Variants in ARID4B observed in about 807,000 individuals in gnomAD.
The protein encoded by ARID4B is AT-rich interaction domain 4B.
A neutral mutation model predicts 147.5 loss-of-function variants in ARID4B; 26 were observed. That is an observed-to-expected ratio of 0.18 (90% CI 0.13 to 0.24). ARID4B has a LOEUF of 0.24. Among genes scored for constraint, ARID4B ranks in the 10% least tolerant of loss-of-function variants. The pLI is 1.00. For synonymous variants in ARID4B, 512 were observed against 507.9 expected, an observed-to-expected ratio of 1.01 and a Z score of -0.11; for missense variants, 1,179 against 1,511.5, an observed-to-expected ratio of 0.78 and a Z score of 3.65.
At chr1:235,315,251 C>A (rs1278117962) in intron 2 of ARID4B, among the ~76,000 whole-genome samples, 3 of 152,106 alleles carry the variant, frequency 2.0e-5, no homozygotes, top group African/African-American at 7.2e-5. Context: ...TAAGGAGACC[C>A]CGTCTCTACC....
At chr1:235,174,631 T>C (rs1663718813) in intron 22 of ARID4B, among the ~76,000 whole-genome samples, 1 of 151,466 alleles carries the variant, frequency 6.6e-6, no homozygotes, top group Non-Finnish European at 1.5e-5. Flanking sequence ...TGAAACCCCA[T>C]GTCTACTAAA....
Position 235,181,676 on chromosome 1 carries a change from G to A in ARID4B, c.3243C>T (p.Leu1081=), listed in dbSNP as rs773002004. The A allele has an allele frequency of 1.9e-6, 3 of 1,614,068 alleles. No individual in the cohort carries two copies. The highest frequency in any genetic ancestry group is 2.5e-6 in the Non-Finnish European group (3 of 1,180,028). The change falls in exon 20 of 24, where the codon CTC becomes CTT. Residue 1081 remains leucine (L), a synonymous_variant. Coordinates refer to ENST00000264183, the MANE Select transcript of ARID4B (RefSeq NM_016374.6). ...CTGGCGAGCTATTCCCTTCAGACTGGAGGTCTTGGAGCTCCCCAGCAACAC... is the reference window on the plus strand; with the variant it reads ...CTGGCGAGCTATTCCCTTCAGACTGAAGGTCTTGGAGCTCCCCAGCAACAC... The part of the protein sequence containing the change: ...VDSVAGELQD[L]QSEGNSSPAG...
chr1:235,302,964 C>G (rs1355091848), intron 2 of ARID4B, among the ~76,000 whole-genome samples: 1 of 151,388 alleles, frequency 6.6e-6, no homozygotes, highest in Non-Finnish European at 1.5e-5. Context: ...CTCGCTCTGT[C>G]GCCTAGGCTG....
At position 235,182,746 on chromosome 1, in the gene ARID4B, C is replaced by A. The variant is rs745941704; in HGVS notation, c.2173G>T (p.Ala725Ser). 41 of 1,608,122 alleles carry A rather than the reference C, an allele frequency of 2.5e-5. No individual in the cohort carries two copies. Among genetic ancestry groups the A allele is most frequent in the Non-Finnish European group, 3.3e-5 (39 of 1,177,590 alleles). The change falls in exon 20 of 24, where the codon GCT becomes TCT. Residue 725 changes from alanine to serine, a missense_variant. Transcript: ENST00000264183. Reference protein sequence around the residue: ...EDSEQEDERGAQDMDNNGKEE... With the variant: ...EDSEQEDERGSQDMDNNGKEE... Reference sequence around the variant, plus strand: ...TTGCCATTATTATCCATGTCTTGAGCACCTCTCTCATCTTCCTGCTCACTG... The same window carrying A: ...TTGCCATTATTATCCATGTCTTGAGAACCTCTCTCATCTTCCTGCTCACTG...
intron 20 of ARID4B, among the ~76,000 whole-genome samples, chr1:235,179,550 A>AAAAAC (rs1411192467): frequency 6.8e-6 from 1 of 146,166 alleles, no homozygotes; most frequent in African/African-American, 2.6e-5. Flanking sequence ...AAAAAAAAAA[A>AAAAAC]AAACCCAACA....
intron 13 of ARID4B, 58 bp from the exon 14 acceptor site, chr1:235,221,720 T>C: frequency 1.1e-6 from 1 of 928,334 alleles, no homozygotes; most frequent in Non-Finnish European, 1.7e-6. Flanking sequence ...ATAATAACAT[T>C]TTGATAGACA....
rs181980136 is a variant in ARID4B, at chr1:235,285,718, T to C, written c.7-24966A>G. Among the ~76,000 whole-genome samples, 191 of 152,370 alleles carry C rather than the reference T, an allele frequency of 1.3e-3. 1 individual carries two copies. Among genetic ancestry groups the C allele is most frequent in the East Asian group, 3.5e-3 (18 of 5,192 alleles). ...CCAAAGGAATCTACAAAAATCCTGC[T>C]GTAACCAATAGGTGGTTTTAGCAAG... On this transcript the variant is annotated intron_variant, in intron 2 of 23. Coordinates refer to ENST00000264183, the MANE Select transcript of ARID4B (RefSeq NM_016374.6).
At chr1:235,238,176 A>AAGAAAAGAAAAGAAAAGAAC in intron 8 of ARID4B, among the ~76,000 whole-genome samples, 1 of 151,708 alleles carries the variant, frequency 6.6e-6, no homozygotes, top group African/African-American at 2.4e-5. Context: ...AAGAAAAGAA[A>AAGAAAAGAAAAGAAAAGAAC]AAAGGAAAGT....
intron 7 of ARID4B, among the ~76,000 whole-genome samples, chr1:235,245,137 C>A (rs144682690): frequency 4.0e-4 from 61 of 152,312 alleles, no homozygotes; most frequent in African/African-American, 1.4e-3. Context: ...ATGTATAACA[C>A]AATCTCAACA....
At chr1:235,313,361 G>C (rs1674209673) in intron 2 of ARID4B, among the ~76,000 whole-genome samples, 1 of 151,680 alleles carries the variant, frequency 6.6e-6, no homozygotes, top group Non-Finnish European at 1.5e-5. Context: ...TTCTGAAATA[G>C]ACATAAGCCA....
chr1:235,213,080 T>C (rs1666812143), intron 17 of ARID4B, among the ~76,000 whole-genome samples: 1 of 152,112 alleles, frequency 6.6e-6, no homozygotes, highest in Non-Finnish European at 1.5e-5. Context: ...AAAATCAAAA[T>C]ACAAAATTTC....
intron 1 of ARID4B, 81 bp from the exon 2 acceptor site, chr1:235,327,049 G>C: frequency 1.0e-6 from 1 of 990,416 alleles, no homozygotes; most frequent in Non-Finnish European, 1.6e-6. Context: ...AGAAGCGAGC[G>C]ACGTCCGAAC....
chr1:235,198,374 G>C (rs1665646199), intron 17 of ARID4B, among the ~76,000 whole-genome samples: 1 of 152,178 alleles, frequency 6.6e-6, no homozygotes, highest in South Asian at 2.1e-4. Context: ...TATTTTACAT[G>C]CAACACCAAA....
At chr1:235,287,094 TACTA>T (rs1672022340) in intron 2 of ARID4B, among the ~76,000 whole-genome samples, 1 of 152,094 alleles carries the variant, frequency 6.6e-6, no homozygotes, top group Non-Finnish European at 1.5e-5. Context: ...ACCCTGTCTC[TACTA>T]AAAATGCAAA....
At chr1:235,261,429 T>C (rs1300766436) in intron 2 of ARID4B, among the ~76,000 whole-genome samples, 1 of 151,982 alleles carries the variant, frequency 6.6e-6, no homozygotes, top group Non-Finnish European at 1.5e-5. Context: ...GAGACTGAAG[T>C]GGGAGGAGTG....
At chr1:235,179,920 A>C (rs536167745) in intron 20 of ARID4B, among the ~76,000 whole-genome samples, 91 of 151,632 alleles carry the variant, frequency 6.0e-4, no homozygotes, top group African/African-American at 1.8e-3. Context: ...AATACAAAAA[A>C]TTAGCTGGGC....
intron 2 of ARID4B, among the ~76,000 whole-genome samples, chr1:235,304,241 G>A (rs1248271140): frequency 6.6e-6 from 1 of 152,062 alleles, no homozygotes; most frequent in Non-Finnish European, 1.5e-5. Flanking sequence ...TCAGCTACTT[G>A]GGAGGCTGAG....
At chr1:235,316,863 C>T (rs964091432) in intron 2 of ARID4B, among the ~76,000 whole-genome samples, 8 of 148,540 alleles carry the variant, frequency 5.4e-5, no homozygotes, top group African/African-American at 1.3e-4. Flanking sequence ...CATATACATA[C>T]GTAAAACACA....
At chr1:235,204,296 T>C (rs887743342) in intron 17 of ARID4B, among the ~76,000 whole-genome samples, 2 of 152,182 alleles carry the variant, frequency 1.3e-5, no homozygotes, top group Admixed American at 6.5e-5. Flanking sequence ...CACTCTAGCC[T>C]GGGTGACGGA....
Sources: allele counts gnomAD v4.1 joint callset (sites outside exome capture counted in the v4.1 genomes callset), GRCh38; gene constraint gnomAD v4.1.1; transcripts MANE v1.5; gene names NCBI Gene and HGNC (gene_info 2026-07-23, HGNC 2026-07-21).